The following CALN1 variants were observed in gnomAD, a reference collection of about 807,000 sequenced individuals.
CALN1 encodes calneuron 1, also known as calcium-binding protein 8.
CALN1 carries 17 observed loss-of-function variants against 30.6 expected under a neutral mutation model. The ratio of observed to expected loss-of-function variants is 0.56; its 90% confidence interval spans 0.38 to 0.83. CALN1 has a LOEUF of 0.83. Among genes scored for constraint, CALN1 ranks in the 40% least tolerant of loss-of-function variants. The probability of loss-of-function intolerance (pLI) is 0.00; values close to 1 mark genes in which losing one functional copy is unlikely to be tolerated. For missense variants in CALN1, 291 were observed against 354.9 expected, an observed-to-expected ratio of 0.82 and a Z score of 1.45; for synonymous variants, 156 against 131.4, an observed-to-expected ratio of 1.19 and a Z score of -1.28.
intron 5 of CALN1, among the ~76,000 whole-genome samples, chr7:71,901,210 A>G (rs1236975080): frequency 3.3e-5 from 5 of 152,190 alleles, no homozygotes; most frequent in Non-Finnish European, 7.3e-5. Flanking sequence ...TGCATTTAAC[A>G]AAGGACATGG....
chr7:71,941,774 T>A (rs995442244), intron 5 of CALN1, among the ~76,000 whole-genome samples: 17 of 152,152 alleles, frequency 1.1e-4, no homozygotes, highest in African/African-American at 4.1e-4. Context: ...ATGCCAGCAA[T>A]CCCATTCCAA....
intron 5 of CALN1, among the ~76,000 whole-genome samples, chr7:71,884,214 T>C (rs1188333819): frequency 6.6e-6 from 1 of 152,096 alleles, no homozygotes; most frequent in African/African-American, 2.4e-5. Flanking sequence ...TGCCCGGCCA[T>C]ATCAGCCTCT....
chr7:72,084,562 T>C (rs1209521009), intron 4 of CALN1, among the ~76,000 whole-genome samples: 2 of 151,952 alleles, frequency 1.3e-5, no homozygotes, highest in Non-Finnish European at 2.9e-5. Flanking sequence ...GGTTTCACCA[T>C]GTTGGCCAGG....
At chr7:72,290,146 C>T (rs1235089645) in intron 2 of CALN1, among the ~76,000 whole-genome samples, 1 of 129,290 alleles carries the variant, frequency 7.7e-6, no homozygotes, top group Admixed American at 8.1e-5. Flanking sequence ...TAATAGTCAC[C>T]TCACAAAATC....
rs572464892 is a variant in CALN1 at position 71,831,563 on chromosome 7, C to A, written c.502-21071G>T. On this transcript the variant is annotated intron_variant, in intron 5 of 6. Coordinates refer to ENST00000395275, the MANE Select transcript of CALN1 (RefSeq NM_031468.4). Reference sequence around the variant, plus strand: ...ATAATAATGAAAATCCCTTCCTTATCCACCTTATAGAGGTTTTTGTGAGAA... The same window carrying A: ...ATAATAATGAAAATCCCTTCCTTATACACCTTATAGAGGTTTTTGTGAGAA... Among the ~76,000 whole-genome samples the A allele has an allele frequency of 1.4e-4, 22 of 152,090 alleles. No homozygotes were observed. In the South Asian group the frequency reaches 4.6e-3, roughly 32 times the overall value.
chr7:71,838,121 G>A (rs989777193), intron 5 of CALN1, among the ~76,000 whole-genome samples: 7 of 151,970 alleles, frequency 4.6e-5, no homozygotes, highest in East Asian at 3.9e-4. Flanking sequence ...TTTGTTCTGC[G>A]GAAAAGAGTT....
chr7:72,135,204 A>C (rs1809422212), intron 3 of CALN1, among the ~76,000 whole-genome samples: 1 of 151,916 alleles, frequency 6.6e-6, no homozygotes, highest in South Asian at 2.1e-4. Flanking sequence ...CTTCTTCCAA[A>C]CTCCTGTTAA....
At chr7:71,845,767 ACT>A (rs1401488270) in intron 5 of CALN1, among the ~76,000 whole-genome samples, 1 of 151,934 alleles carries the variant, frequency 6.6e-6, no homozygotes, top group Non-Finnish European at 1.5e-5. Flanking sequence ...TAAGATTAAC[ACT>A]CTCATCCGGG....
chr7:71,871,538 G>A (rs541259637), intron 5 of CALN1, among the ~76,000 whole-genome samples: 1 of 152,120 alleles, frequency 6.6e-6, no homozygotes, highest in Admixed American at 6.6e-5. Flanking sequence ...CTCGAGGCCA[G>A]GAAAGTTTGT....
At chr7:71,924,405 ATACT>A (rs576687712) in intron 5 of CALN1, among the ~76,000 whole-genome samples, 111 of 151,350 alleles carry the variant, frequency 7.3e-4, no homozygotes, top group African/African-American at 2.5e-3. Flanking sequence ...TTTTAATATA[ATACT>A]TAATATATAC....
intron 4 of CALN1, among the ~76,000 whole-genome samples, chr7:72,075,065 G>GAA (rs1804644871): frequency 6.6e-6 from 1 of 152,218 alleles, no homozygotes; most frequent in Non-Finnish European, 1.5e-5. Flanking sequence ...TGAGGCCCAA[G>GAA]AAAAGCCAAG....
chr7:72,116,145 T>C (rs1356824714), intron 3 of CALN1, among the ~76,000 whole-genome samples: 1 of 152,162 alleles, frequency 6.6e-6, no homozygotes, highest in African/African-American at 2.4e-5. Flanking sequence ...TTTCAATAAA[T>C]ACTCATTGAA....
At chr7:72,203,979 CTTTTTTTTTTT>C (rs869149598) in intron 3 of CALN1, among the ~76,000 whole-genome samples, 14,361 of 82,818 alleles carry the variant, frequency 0.17, 654 homozygotes, top group East Asian at 0.29. Flanking sequence ...AGGCCTCTCT[CTTTTTTTTTTT>C]TTTTTTTTTT....
intron 4 of CALN1, among the ~76,000 whole-genome samples, chr7:72,060,514 G>A (rs1448531759): frequency 2.0e-5 from 3 of 152,154 alleles, no homozygotes; most frequent in Non-Finnish European, 4.4e-5. Flanking sequence ...TCACCTGTAA[G>A]TTGTTCATGC....
At chr7:71,880,231 C>T (rs1335013848) in intron 5 of CALN1, among the ~76,000 whole-genome samples, 1 of 152,156 alleles carries the variant, frequency 6.6e-6, no homozygotes, top group Non-Finnish European at 1.5e-5. Flanking sequence ...AGCTCATCAA[C>T]CTAAAGTGAA....
chr7:72,271,575 A>AATATATATATATATATATATATATAT (rs1410679506), intron 3 of CALN1, among the ~76,000 whole-genome samples: 14 of 52,018 alleles, frequency 2.7e-4, no homozygotes, highest in East Asian at 2.0e-3. Flanking sequence ...AAAAAAAAAA[A>AATATATATATATATATATATATATAT]ATATATATAT....
intron 1 of CALN1, among the ~76,000 whole-genome samples, chr7:72,411,781 A>C (rs1280301162): frequency 6.6e-6 from 1 of 151,548 alleles, no homozygotes; most frequent in Non-Finnish European, 1.5e-5. Context: ...TTGCTAAGGA[A>C]TAAAGTAATT....
At chr7:72,187,834 A>G (rs1292977261) in intron 3 of CALN1, among the ~76,000 whole-genome samples, 1 of 152,224 alleles carries the variant, frequency 6.6e-6, no homozygotes. Context: ...TTTGTGATAT[A>G]TGTTCATCCT....
chr7:72,129,834 G>T (rs1478021147), intron 3 of CALN1, among the ~76,000 whole-genome samples: 2 of 152,170 alleles, frequency 1.3e-5, no homozygotes, highest in Non-Finnish European at 2.9e-5. Flanking sequence ...CAATGGAAGA[G>T]TATTGCTATG....
Sources: gnomAD v4.1 joint callset for allele counts (sites outside exome capture counted in the v4.1 genomes callset) on GRCh38, gnomAD v4.1.1 for gene constraint, MANE v1.5 for transcripts, NCBI Gene and HGNC (gene_info 2026-07-23, HGNC 2026-07-21) for gene names.